Variants in MYO3A observed in about 807,000 individuals in gnomAD.
The protein encoded by MYO3A is myosin IIIA.
In MYO3A, 180 loss-of-function variants were observed where a neutral mutation model predicts 192.7. The observed-to-expected ratio is 0.93, with a 90% CI of 0.83 to 1.06. The LOEUF (loss-of-function observed/expected upper bound fraction) is 1.06. Among genes scored for constraint, MYO3A ranks in the 50% least tolerant of loss-of-function variants. The pLI is 0.00. For missense variants in MYO3A, 1,896 were observed against 1,905.0 expected, an observed-to-expected ratio of 1.00 and a Z score of 0.09; for synonymous variants, 628 against 645.3, an observed-to-expected ratio of 0.97 and a Z score of 0.41.
intron 19 of MYO3A, 25 bp from the exon 20 acceptor site, chr10:26,128,366 A>C (rs759977204): frequency 2.5e-6 from 4 of 1,608,656 alleles, no homozygotes; most frequent in Middle Eastern, 1.7e-4. Flanking sequence ...AATAACTCAA[A>C]ATAATGCCTC....
At chr10:26,076,705 C>G (rs548768092) in intron 14 of MYO3A, among the ~76,000 whole-genome samples, 1 of 152,204 alleles carries the variant, frequency 6.6e-6, no homozygotes, top group East Asian at 1.9e-4. Context: ...TTTCATTCTC[C>G]TACATGTGGC....
intron 4 of MYO3A, among the ~76,000 whole-genome samples, chr10:25,969,063 C>T (rs997047072): frequency 6.6e-6 from 1 of 152,136 alleles, no homozygotes; most frequent in African/African-American, 2.4e-5. Flanking sequence ...TACGGTGAAA[C>T]CCCATCTCTA....
rs374506195 is a variant in MYO3A, at chr10:26,190,063, AAAAAAT to A, written c.4439-3125_4439-3120del. Among the ~76,000 whole-genome samples, 860 of 151,552 alleles carry A rather than the reference AAAAAAT, an allele frequency of 5.7e-3. 11 individuals carry two copies. Among genetic ancestry groups the A allele is most frequent in the African/African-American group, 0.02 (810 of 40,858 alleles). On this transcript the variant is annotated intron_variant, in intron 31 of 34. Coordinates refer to ENST00000642920, the MANE Select transcript of MYO3A (RefSeq NM_017433.5). ...GGGAGACAGAGCAAGACTCCATCTC[AAAAAAT>A]AAAAATAAAAATAAAAGGAAAAAGA...
intron 4 of MYO3A, among the ~76,000 whole-genome samples, chr10:25,961,443 T>C (rs1378329861): frequency 6.6e-6 from 1 of 152,146 alleles, no homozygotes; most frequent in Non-Finnish European, 1.5e-5. Context: ...TTTGGGAATA[T>C]CTTATAAGTA....
intron 10 of MYO3A, 123 bp from the exon 11 acceptor site, chr10:26,066,852 G>T: frequency 4.4e-6 from 3 of 686,398 alleles, no homozygotes; most frequent in Admixed American, 4.6e-5. Flanking sequence ...CTATTTTCTG[G>T]TATCTTATCA....
At chr10:26,151,135 T>C (rs1281067278) in intron 23 of MYO3A, among the ~76,000 whole-genome samples, 1 of 152,172 alleles carries the variant, frequency 6.6e-6, no homozygotes, top group Non-Finnish European at 1.5e-5. Context: ...CTTGAAAATA[T>C]TGTTTATTCT....
rs537121787 is a variant in MYO3A, at chr10:25,944,366, G to A, written c.-17-7728G>A. The stretch of plus-strand genomic sequence containing the variant: ...TATTCATCTCCAGTTTTATTCTCTT[G>A]TAGTGCCATTGTCTGGTTTTGGTGT... On this transcript the variant is annotated intron_variant, in intron 2 of 34. Coordinates refer to ENST00000642920, the MANE Select transcript of MYO3A (RefSeq NM_017433.5). Among the ~76,000 whole-genome samples the A allele has an allele frequency of 2.6e-5, 4 of 152,030 alleles. No individual in the cohort carries two copies. In the South Asian group the frequency reaches 8.3e-4, roughly 32 times the overall value.
intron 17 of MYO3A, among the ~76,000 whole-genome samples, chr10:26,099,929 A>G (rs1055909791): frequency 6.6e-6 from 1 of 152,196 alleles, no homozygotes; most frequent in African/African-American, 2.4e-5. Context: ...GCCTCATAAA[A>G]TGACTTAGGG....
At chr10:26,184,108 A>G (rs1450484171) in intron 31 of MYO3A, among the ~76,000 whole-genome samples, 1 of 152,214 alleles carries the variant, frequency 6.6e-6, no homozygotes, top group Non-Finnish European at 1.5e-5. Flanking sequence ...GAAGGAGGCC[A>G]TGCAAGGCAG....
At chr10:26,198,547 C>T (rs1470250514) in intron 32 of MYO3A, among the ~76,000 whole-genome samples, 3 of 152,334 alleles carry the variant, frequency 2.0e-5, no homozygotes, top group East Asian at 1.9e-4. Flanking sequence ...CTAACTTCAA[C>T]GTTTAGCTCC....
chr10:26,173,550 T>C, intron 29 of MYO3A, 113 bp from the exon 30 acceptor site: 1 of 954,128 alleles, frequency 1.0e-6, no homozygotes, highest in South Asian at 1.7e-5. Context: ...ATTTTGAGCT[T>C]TCTTTGTTCC....
At chr10:26,038,384 A>G (rs1462621734) in intron 10 of MYO3A, among the ~76,000 whole-genome samples, 1 of 152,120 alleles carries the variant, frequency 6.6e-6, no homozygotes, top group Non-Finnish European at 1.5e-5. Flanking sequence ...TTCTTGGATC[A>G]GTTATGTAGT....
chr10:26,101,181 A>G (rs539377814), intron 17 of MYO3A, among the ~76,000 whole-genome samples: 7 of 151,856 alleles, frequency 4.6e-5, no homozygotes, highest in African/African-American at 1.7e-4. Flanking sequence ...GATCTTTGTT[A>G]GTTTACAGTC....
intron 6 of MYO3A, among the ~76,000 whole-genome samples, chr10:26,011,148 G>A (rs1047126856): frequency 1.3e-5 from 2 of 152,096 alleles, no homozygotes; most frequent in Non-Finnish European, 2.9e-5. Context: ...ATTATTCCTG[G>A]CCCAGGGTAG....
chr10:26,088,520 A>G (rs1029465536), intron 15 of MYO3A, 115 bp downstream of exon 15: 19 of 963,110 alleles, frequency 2.0e-5, no homozygotes, highest in Non-Finnish European at 2.7e-5. Context: ...ACTATATGCA[A>G]AGCACTTACT....
intron 17 of MYO3A, among the ~76,000 whole-genome samples, chr10:26,110,166 A>G (rs1218871072): frequency 6.6e-6 from 1 of 152,178 alleles, no homozygotes; most frequent in African/African-American, 2.4e-5. Flanking sequence ...TTTCTGAATC[A>G]TGCTTTCTCT....
intron 6 of MYO3A, among the ~76,000 whole-genome samples, chr10:26,008,075 G>A (rs547559232): frequency 1.7e-4 from 25 of 148,896 alleles, no homozygotes; most frequent in East Asian, 3.9e-4. Flanking sequence ...CAGAAATAAC[G>A]CCGCATATCT....
At chr10:26,004,192 G>A (rs1286884420) in intron 6 of MYO3A, among the ~76,000 whole-genome samples, 1 of 152,166 alleles carries the variant, frequency 6.6e-6, no homozygotes, top group Non-Finnish European at 1.5e-5. Context: ...GCACATCCAT[G>A]TAGGGTGATG....
intron 20 of MYO3A, 64 bp downstream of exon 20, chr10:26,128,602 T>C: frequency 1.3e-6 from 2 of 1,495,830 alleles, no homozygotes; most frequent in Non-Finnish European, 1.8e-6. Flanking sequence ...CTTGTACAAA[T>C]GAAGCAGGAC....
Sources: gnomAD v4.1 joint callset for allele counts (sites outside exome capture counted in the v4.1 genomes callset) on GRCh38, gnomAD v4.1.1 for gene constraint, MANE v1.5 for transcripts, NCBI Gene and HGNC (gene_info 2026-07-23, HGNC 2026-07-21) for gene names.